Variants in SEMA3E observed in about 807,000 individuals in gnomAD.
SEMA3E encodes the protein semaphorin 3E.
SEMA3E carries 49 observed loss-of-function variants against 93.6 expected under a neutral mutation model. That is an observed-to-expected ratio of 0.52 (90% CI 0.42 to 0.66). SEMA3E has a LOEUF of 0.66. SEMA3E is among the 30% of genes least tolerant of loss of function. The probability of loss-of-function intolerance (pLI) is 0.00; values close to 1 mark genes in which losing one functional copy is unlikely to be tolerated. For synonymous variants in SEMA3E, 363 were observed against 330.7 expected (o/e 1.10, Z -1.06); for missense variants, 906 against 964.8 (o/e 0.94, Z 0.81).
At chr7:83,405,285 A>C (rs529647316) in intron 9 of SEMA3E, among the ~76,000 whole-genome samples, 165 bp downstream of exon 9, 1 of 152,080 alleles carries the variant, frequency 6.6e-6, no homozygotes, top group Non-Finnish European at 1.5e-5. Context: ...ATGAAAGTAC[A>C]TTTGCAAACG....
At chr7:83,417,737 G>A (rs916373900) in intron 5 of SEMA3E, among the ~76,000 whole-genome samples, 1 of 152,034 alleles carries the variant, frequency 6.6e-6, no homozygotes, top group Admixed American at 6.6e-5. Context: ...ACCCCAAATT[G>A]CAGGAAAATA....
chr7:83,567,628 G>A (rs1222849054), intron 1 of SEMA3E, among the ~76,000 whole-genome samples: 1 of 151,858 alleles, frequency 6.6e-6, no homozygotes, highest in Non-Finnish European at 1.5e-5. Flanking sequence ...ACAAATACAT[G>A]GAAATTAAAC....
intron 1 of SEMA3E, among the ~76,000 whole-genome samples, chr7:83,581,049 AC>A (rs1389741568): frequency 6.6e-6 from 1 of 151,994 alleles, no homozygotes. Context: ...ATAAATGTCT[AC>A]TTTGAAATGG....
intron 1 of SEMA3E, among the ~76,000 whole-genome samples, chr7:83,522,998 A>C (rs17445947): frequency 0.54 from 81,998 of 151,948 alleles, 24,084 homozygotes; most frequent in Middle Eastern, 0.71. Context: ...TAGCATTTAA[A>C]CAACTATGCA....
chr7:83,621,214 G>A (rs185882886), intron 1 of SEMA3E, among the ~76,000 whole-genome samples: 14 of 152,126 alleles, frequency 9.2e-5, no homozygotes, highest in African/African-American at 3.1e-4. Context: ...GGCATGCAGA[G>A]AGCCAAATCA....
At chr7:83,422,068 T>C (rs908312903) in intron 4 of SEMA3E, among the ~76,000 whole-genome samples, 1 of 152,080 alleles carries the variant, frequency 6.6e-6, no homozygotes, top group Non-Finnish European at 1.5e-5. Context: ...TCCCAGCTAC[T>C]TGGGAGGCTG....
intron 1 of SEMA3E, among the ~76,000 whole-genome samples, chr7:83,568,969 A>T (rs1219146037): frequency 6.6e-6 from 1 of 152,106 alleles, no homozygotes; most frequent in Non-Finnish European, 1.5e-5. Flanking sequence ...ATGATCTTAT[A>T]TCTAGAATAA....
At chr7:83,385,026 C>A (rs2116916005) in intron 16 of SEMA3E, among the ~76,000 whole-genome samples, 1 of 151,314 alleles carries the variant, frequency 6.6e-6, no homozygotes, top group South Asian at 2.1e-4. Context: ...TTAAAAAATT[C>A]TTACTTCCAA....
intron 4 of SEMA3E, among the ~76,000 whole-genome samples, chr7:83,461,693 A>T (rs887665741): frequency 5.3e-5 from 8 of 152,124 alleles, no homozygotes; most frequent in Admixed American, 3.3e-4. Flanking sequence ...CTCAAAATAC[A>T]TTTTATTACC....
chr7:83,615,189 G>C (rs947226504), intron 1 of SEMA3E, among the ~76,000 whole-genome samples: 8 of 151,892 alleles, frequency 5.3e-5, no homozygotes, highest in African/African-American at 1.9e-4. Context: ...GGGTTTCTGG[G>C]GCAACTTTAT....
At chr7:83,400,396 T>A in intron 10 of SEMA3E, 146 bp from the exon 11 acceptor site, 1 of 732,086 alleles carries the variant, frequency 1.4e-6, no homozygotes, top group Non-Finnish European at 2.3e-6. Context: ...TATATTTTTC[T>A]TTTTTTTTAA....
At chr7:83,430,001 GA>G (rs1175685197) in intron 4 of SEMA3E, among the ~76,000 whole-genome samples, 1 of 152,056 alleles carries the variant, frequency 6.6e-6, no homozygotes, top group Non-Finnish European at 1.5e-5. Flanking sequence ...ATTGTATTGT[GA>G]TTATGCACTC....
At chr7:83,535,784 G>A (rs1791400981) in intron 1 of SEMA3E, among the ~76,000 whole-genome samples, 1 of 152,066 alleles carries the variant, frequency 6.6e-6, no homozygotes, top group African/African-American at 2.4e-5. Context: ...CACATGCTTA[G>A]AAATAAAGAT....
intron 1 of SEMA3E, among the ~76,000 whole-genome samples, chr7:83,581,536 AGT>A (rs1197765173): frequency 6.6e-5 from 10 of 152,050 alleles, no homozygotes; most frequent in African/African-American, 2.4e-5. Flanking sequence ...CATTTTAAAC[AGT>A]GTACATTTTT....
intron 1 of SEMA3E, among the ~76,000 whole-genome samples, chr7:83,498,804 T>C (rs755897765): frequency 6.6e-6 from 1 of 152,108 alleles, no homozygotes; most frequent in Non-Finnish European, 1.5e-5. Context: ...AATTTTATGG[T>C]TCAAAAGCCA....
chr7:83,479,368 G>A (rs1296047433), intron 2 of SEMA3E, among the ~76,000 whole-genome samples: 4 of 152,144 alleles, frequency 2.6e-5, no homozygotes, highest in Non-Finnish European at 5.9e-5. Flanking sequence ...TATGGCACAT[G>A]TATATCTATC....
intron 4 of SEMA3E, among the ~76,000 whole-genome samples, chr7:83,459,012 T>C (rs1400988451): frequency 6.9e-6 from 1 of 144,660 alleles, no homozygotes; most frequent in Non-Finnish European, 1.5e-5. Context: ...AAGGAGTGGG[T>C]AAATGAAGAA....
Position 83,622,380 on chromosome 7 carries a change from T to C in SEMA3E, c.115+26048A>G, listed in dbSNP as rs544344273. On this transcript the variant is annotated intron_variant, in intron 1 of 16. Coordinates refer to ENST00000643230, the MANE Select transcript of SEMA3E (RefSeq NM_012431.3). ...AAAACAAATGCTTATACACTGTTAG[T>C]GGAAATGTAAATTAGTTTATTCATT... is the stretch of plus-strand genomic sequence containing the variant. Among the ~76,000 whole-genome samples, 3 of 152,316 alleles carry C rather than the reference T, an allele frequency of 2.0e-5. No homozygotes were observed. The South Asian group carries it at 6.2e-4, about 32-fold the overall frequency.
intron 1 of SEMA3E, among the ~76,000 whole-genome samples, chr7:83,646,449 T>C (rs1265650435): frequency 3.9e-5 from 6 of 152,104 alleles, no homozygotes; most frequent in Non-Finnish European, 7.4e-5. Context: ...TCCAGTGTGA[T>C]CTCTTAACTG....
Sources: allele counts gnomAD v4.1 joint callset (sites outside exome capture counted in the v4.1 genomes callset), GRCh38; gene constraint gnomAD v4.1.1; transcripts MANE v1.5; gene names NCBI Gene and HGNC (gene_info 2026-07-23, HGNC 2026-07-21).